Variants in MCC observed in about 807,000 individuals in gnomAD.
MCC encodes the protein MCC regulator of Wnt signaling pathway.
Under a neutral mutation model 116.2 loss-of-function variants are expected in MCC, and 90 were observed. The observed-to-expected ratio is 0.77, with a 90% CI of 0.65 to 0.92. The LOEUF (loss-of-function observed/expected upper bound fraction) is 0.92, where lower values mean the gene tolerates loss of function less well. MCC is among the 40% of genes least tolerant of loss of function. The pLI, the probability that MCC is intolerant of heterozygous loss-of-function variation, is 0.00. For synonymous variants in MCC, 578 were observed against 510.5 expected (o/e 1.13, Z -1.78); for missense variants, 1,516 against 1,312.2 (o/e 1.16, Z -2.40).
Position 113,392,517 on chromosome 5 carries a change from A to AG in MCC, c.171-7306_171-7305insC, listed in dbSNP as rs201627495. ...TTGAGAGGACTTTGGCAACATCTAA[A>AG]AAAAAAAAAATAGACTCAAGCATAC... On this transcript the variant is annotated intron_variant, in intron 1 of 18. Coordinates refer to ENST00000408903, the MANE Select transcript of MCC (RefSeq NM_001085377.2). Among the ~76,000 whole-genome samples the AG allele has an allele frequency of 8.7e-3, 1,314 of 151,786 alleles. 23 individuals carry two copies. The highest frequency in any genetic ancestry group is 0.03 in the African/African-American group (1,259 of 41,468).
intron 11 of MCC, among the ~76,000 whole-genome samples, chr5:113,071,844 C>G (rs973523425): frequency 6.6e-6 from 1 of 152,158 alleles, no homozygotes; most frequent in Non-Finnish European, 1.5e-5. Context: ...AGTGAGTGAA[C>G]AGGAAACTTC....
intron 1 of MCC, among the ~76,000 whole-genome samples, chr5:113,425,637 C>T (rs1770460729): frequency 6.6e-6 from 1 of 152,144 alleles, no homozygotes; most frequent in Non-Finnish European, 1.5e-5. Flanking sequence ...TACACAATAT[C>T]TACAATTGAA....
At chr5:113,039,218 T>A (rs1463288426) in intron 17 of MCC, among the ~76,000 whole-genome samples, 1 of 152,142 alleles carries the variant, frequency 6.6e-6, no homozygotes, top group Non-Finnish European at 1.5e-5. Flanking sequence ...AAGATATTTT[T>A]TACTTATTTA....
At position 113,197,686 on chromosome 5, in the gene MCC, C is replaced by T. The variant is rs544555742; in HGVS notation, c.628-46264G>A. On this transcript the variant is annotated intron_variant, in intron 3 of 18. Transcript: ENST00000408903. ...TATGTAGGGGGCCCTATGTATTAAG[C>T]ACTTTATTCCATTCAAACCTCACAG... Among the ~76,000 whole-genome samples the T allele has an allele frequency of 2.0e-5, 3 of 152,272 alleles. No homozygotes were observed. The South Asian group carries it at 6.2e-4, about 32-fold the overall frequency.
intron 2 of MCC, among the ~76,000 whole-genome samples, chr5:113,346,633 CAA>C (rs201595859): frequency 9.8e-4 from 88 of 89,586 alleles, no homozygotes; most frequent in African/African-American, 2.4e-3. Context: ...ACAACAACAA[CAA>C]AAAAAACAAC....
chr5:113,112,829 C>A (rs1388235287), intron 6 of MCC, among the ~76,000 whole-genome samples: 1 of 152,212 alleles, frequency 6.6e-6, no homozygotes, highest in Non-Finnish European at 1.5e-5. Flanking sequence ...TTTTTATAAG[C>A]CAACTTTTTA....
chr5:113,129,696 A>G (rs1212460614), intron 5 of MCC, among the ~76,000 whole-genome samples: 1 of 152,264 alleles, frequency 6.6e-6, no homozygotes. Context: ...ACACTTTTCA[A>G]AAGAAGACAT....
At chr5:113,076,496 G>A (rs1754466304) in intron 11 of MCC, among the ~76,000 whole-genome samples, 1 of 152,192 alleles carries the variant, frequency 6.6e-6, no homozygotes, top group Middle Eastern at 3.4e-3. Flanking sequence ...AGAGAGTGGG[G>A]GCCAATATTA....
chr5:113,411,556 A>T (rs555572107), intron 1 of MCC, among the ~76,000 whole-genome samples: 4 of 146,026 alleles, frequency 2.7e-5, no homozygotes, highest in Non-Finnish European at 6.0e-5. Flanking sequence ...AAGTTTCAGG[A>T]GCGATTTTTT....
At chr5:113,370,735 C>T (rs1162021160) in intron 2 of MCC, among the ~76,000 whole-genome samples, 1 of 152,164 alleles carries the variant, frequency 6.6e-6, no homozygotes, top group African/African-American at 2.4e-5. Context: ...AAAAGCAAAA[C>T]CATTTTCCAG....
At chr5:113,141,042 C>T (rs986732396) in intron 5 of MCC, among the ~76,000 whole-genome samples, 1 of 152,180 alleles carries the variant, frequency 6.6e-6, no homozygotes, top group Non-Finnish European at 1.5e-5. Context: ...AAGATCCACC[C>T]TTAGTGTGTG....
chr5:113,272,969 C>G (rs185204181), intron 3 of MCC, among the ~76,000 whole-genome samples: 1 of 152,180 alleles, frequency 6.6e-6, no homozygotes, highest in African/African-American at 2.4e-5. Context: ...TTGGGGCTGC[C>G]AGCAACCAGA....
Position 113,294,534 on chromosome 5 carries a change from C to A in MCC, c.627+45985G>T, listed in dbSNP as rs561091770. 1.9e-5 allele frequency: 28 copies of A among 1,451,304 alleles called. No homozygotes were observed. In the East Asian group the frequency reaches 2.8e-4, roughly 14 times the overall value. The allele number at this position is 1,451,304 out of a possible 1,614,324, so 89.9% of individuals were successfully genotyped here. A position where few individuals can be genotyped will look rare whatever the true frequency, so the allele number is the denominator to read the frequency against. On this transcript the variant is annotated intron_variant, in intron 3 of 18. Coordinates refer to ENST00000408903, the MANE Select transcript of MCC (RefSeq NM_001085377.2). ...ACCCAGGACAGTTGCGAAGCGCAAA[C>A]GGAGGATGCAGGCACTCTTAAAAAG...
intron 3 of MCC, among the ~76,000 whole-genome samples, chr5:113,269,401 A>G (rs1190466093): frequency 6.6e-6 from 1 of 152,184 alleles, no homozygotes; most frequent in Non-Finnish European, 1.5e-5. Context: ...AGGACACATC[A>G]AAAAAACACT....
At position 113,022,341 on chromosome 5, in the gene MCC, G is replaced by A. The variant is rs148332789; in HGVS notation, c.*4961C>T. 3.8e-4 allele frequency: 58 copies of A among 152,666 alleles called. No individual in the cohort carries two copies. Among genetic ancestry groups the A allele is most frequent in the African/African-American group, 1.4e-3 (57 of 41,566 alleles). 9.5% of individuals were successfully genotyped at this position (152,666 alleles called of 1,614,324 possible). On this transcript the variant is annotated 3_prime_UTR_variant, in exon 19 of 19. Coordinates refer to ENST00000408903, the MANE Select transcript of MCC (RefSeq NM_001085377.2). ...TAGCAATTTTAAAATGAGACTTTCA[G>A]TACAAACAGTAGAACAATACTGACA...
intron 6 of MCC, among the ~76,000 whole-genome samples, chr5:113,121,607 A>G (rs999378964): frequency 6.6e-6 from 1 of 152,096 alleles, no homozygotes; most frequent in Non-Finnish European, 1.5e-5. Context: ...CTTTGGATAC[A>G]CTCTCATAGT....
At chr5:113,312,975 A>T (rs1011728448) in intron 3 of MCC, among the ~76,000 whole-genome samples, 40 of 152,322 alleles carry the variant, frequency 2.6e-4, no homozygotes, top group Middle Eastern at 3.4e-3. Flanking sequence ...ATAAGCTCAC[A>T]GTCTAGTGGG....
intron 17 of MCC, among the ~76,000 whole-genome samples, chr5:113,034,357 T>A (rs1751176753): frequency 6.6e-6 from 1 of 152,194 alleles, no homozygotes; most frequent in Admixed American, 6.5e-5. Context: ...TCGGAAGTGG[T>A]GCTTGTTGGT....
chr5:113,139,957 C>G (rs747671523), intron 5 of MCC, among the ~76,000 whole-genome samples: 1 of 151,948 alleles, frequency 6.6e-6, no homozygotes, highest in East Asian at 1.9e-4. Context: ...TTCTGCATAG[C>G]AAAAGAAACT....
Sources: gnomAD v4.1 joint callset for allele counts (sites outside exome capture counted in the v4.1 genomes callset) on GRCh38, gnomAD v4.1.1 for gene constraint, MANE v1.5 for transcripts, NCBI Gene and HGNC (gene_info 2026-07-23, HGNC 2026-07-21) for gene names.